PAFAH2: variants seen among roughly 807,000 people sequenced by gnomAD.
The protein encoded by PAFAH2 is platelet activating factor acetylhydrolase 2.
PAFAH2 carries 42 observed loss-of-function variants against 49.0 expected under a neutral mutation model. That is an observed-to-expected ratio of 0.86 (90% CI 0.67 to 1.11). PAFAH2 has a LOEUF of 1.11. Ranked by LOEUF, PAFAH2 falls within the 50% of genes least tolerant of loss-of-function variation. The pLI, the probability that PAFAH2 is intolerant of heterozygous loss-of-function variation, is 0.00. For missense variants in PAFAH2, 503 were observed against 501.8 expected (o/e 1.00, Z -0.02); for synonymous variants, 184 against 181.3 (o/e 1.01, Z -0.12).
At chr1:25,984,918 G>A (rs906742591) in intron 4 of PAFAH2, among the ~76,000 whole-genome samples, 1 of 138,074 alleles carries the variant, frequency 7.2e-6, no homozygotes, top group East Asian at 2.2e-4. Context: ...GGACTATCTT[G>A]GCCTCGGCTC....
In PAFAH2 at chr1:25,961,787, G is replaced by T; in HGVS notation, c.*202C>A. Reference sequence around the variant, plus strand: ...TCCCAGAAAGTCTGTTTGTCAATCAGCAAGGGATCCCAGTCCCAAAGTGAT... The same window carrying T: ...TCCCAGAAAGTCTGTTTGTCAATCATCAAGGGATCCCAGTCCCAAAGTGAT... On this transcript the variant is annotated 3_prime_UTR_variant, in exon 11 of 11. Transcript: ENST00000374282. 2.0e-6 allele frequency: 1 copy of T among 488,640 alleles called. No individual in the cohort carries two copies. The allele number at this position is 488,640 out of a possible 1,614,324, so 30.3% of individuals were successfully genotyped here. A position where few individuals can be genotyped will look rare whatever the true frequency, so the allele number is the denominator to read the frequency against.
At chr1:25,984,592 CCAA>C (rs2049751020) in intron 4 of PAFAH2, 64 bp from the exon 5 acceptor site, 2 of 1,270,442 alleles carry the variant, frequency 1.6e-6, no homozygotes, top group Admixed American at 3.5e-5. Flanking sequence ...CACCCTCATT[CCAA>C]CAATGCTCTG....
intron 10 of PAFAH2, among the ~76,000 whole-genome samples, 167 bp downstream of exon 10, chr1:25,972,391 C>T (rs1340791327): frequency 6.6e-6 from 1 of 152,098 alleles, no homozygotes; most frequent in Admixed American, 6.5e-5. Flanking sequence ...AGCCACTGCA[C>T]CTGGACTTGT....
At chr1:25,978,152 C>T (rs1325237288) in intron 7 of PAFAH2, among the ~76,000 whole-genome samples, 1 of 152,134 alleles carries the variant, frequency 6.6e-6, no homozygotes, top group Non-Finnish European at 1.5e-5. Flanking sequence ...AATCCTCCCC[C>T]TTCACTCAGT....
At position 25,982,373 on chromosome 1, in the gene PAFAH2, C is replaced by T. The variant is rs146508469; in HGVS notation, c.657G>A (p.Met219Ile). 5.0e-5 allele frequency: 80 copies of T among 1,613,224 alleles called. 1 individual carries two copies. In the African/African-American group the frequency reaches 6.3e-4, roughly 13 times the overall value. Reference sequence around the variant, plus strand: ...CCAATTGCTTCCATACCTTCAAAGTCATCAGATCCAAGCCACCAGGCAAGA... The same window carrying T: ...CCAATTGCTTCCATACCTTCAAAGTTATCAGATCCAAGCCACCAGGCAAGA... ...FNILPGGLDL[M>I]TLKGNIDMSR... The change falls in exon 7 of 11, where the codon ATG (methionine) becomes ATA (isoleucine). Residue 219 changes from methionine to isoleucine, a missense_variant. Physicochemically the swap from Met to Ile is conservative, Grantham distance 10. Coordinates refer to ENST00000374282, the MANE Select transcript of PAFAH2 (RefSeq NM_000437.4).
intron 1 of PAFAH2, among the ~76,000 whole-genome samples, chr1:25,994,164 CA>C (rs1156984687): frequency 7.6e-6 from 1 of 131,752 alleles, no homozygotes; most frequent in Non-Finnish European, 1.6e-5. Context: ...TTTTTTGAGA[CA>C]GGGTCTTGCT....
At chr1:25,992,856 G>A (rs781356233) in intron 1 of PAFAH2, among the ~76,000 whole-genome samples, 14 of 152,150 alleles carry the variant, frequency 9.2e-5, no homozygotes, top group African/African-American at 1.9e-4. Flanking sequence ...TGAAAAGTGC[G>A]CGTATGGCAT....
In PAFAH2 at chr1:25,972,729, A is replaced by G. The variant is rs542643850; in HGVS notation, c.930-17T>C. On this transcript the variant is annotated splice_polypyrimidine_tract_variant and intron_variant, in intron 9 of 10. Transcript: ENST00000374282. ...ACAGAACCACTAGGGGAAAAGAAAAACAACTGGCAGGGGTCTGGCGGCTAG... is the reference window on the plus strand; with the variant it reads ...ACAGAACCACTAGGGGAAAAGAAAAGCAACTGGCAGGGGTCTGGCGGCTAG... 152 of 1,613,870 alleles carry G rather than the reference A, an allele frequency of 9.4e-5. 1 individual carries two copies. The Admixed American group carries it at 1.3e-3, about 14-fold the overall frequency.
chr1:25,975,793 A>G (rs1003294368), intron 8 of PAFAH2, among the ~76,000 whole-genome samples: 2 of 152,150 alleles, frequency 1.3e-5, no homozygotes, highest in African/African-American at 4.8e-5. Context: ...GCTACAATCC[A>G]TTCTTCACAT....
At chr1:25,962,730 C>T (rs111591193) in intron 10 of PAFAH2, among the ~76,000 whole-genome samples, 48 of 151,300 alleles carry the variant, frequency 3.2e-4, no homozygotes, top group African/African-American at 1.1e-3. Context: ...GAGGCCAAGA[C>T]TGGAGGATTG....
chr1:25,997,773 G>T (rs1188664909), intron 1 of PAFAH2, among the ~76,000 whole-genome samples: 22 of 152,194 alleles, frequency 1.4e-4, no homozygotes, highest in Admixed American at 1.4e-3. Flanking sequence ...TCCAAGGTGG[G>T]GCTGCGGGGG....
intron 7 of PAFAH2, among the ~76,000 whole-genome samples, chr1:25,978,613 C>T (rs1424863017): frequency 2.6e-5 from 4 of 152,332 alleles, no homozygotes; most frequent in African/African-American, 7.2e-5. Flanking sequence ...AGTGATATCT[C>T]TACTTCCAGA....
chr1:25,996,131 G>A (rs1043345986), intron 1 of PAFAH2, among the ~76,000 whole-genome samples: 4 of 152,024 alleles, frequency 2.6e-5, no homozygotes, highest in African/African-American at 9.7e-5. Flanking sequence ...CAAATGGGAA[G>A]GATTGCTTCA....
At chr1:25,982,584 C>A (rs1164437839) in intron 6 of PAFAH2, 107 bp from the exon 7 acceptor site, 1 of 802,644 alleles carries the variant, frequency 1.2e-6, no homozygotes, top group East Asian at 2.7e-5. Flanking sequence ...TCTACCCACC[C>A]ACGCCTCAGC....
At position 25,989,575 on chromosome 1, in the gene PAFAH2, G is replaced by C. The variant is rs770634634; in HGVS notation, c.117C>G (p.Pro39=). The C allele has an allele frequency of 5.0e-6, 8 of 1,601,874 alleles. No individual in the cohort carries two copies. The South Asian group carries it at 9.0e-5, about 18-fold the overall frequency. Residue 39 remains proline, a synonymous_variant, in exon 3 of 11, where the codon CCC becomes CCG. Transcript: ENST00000374282. ...LQGSFFRLFY[P]CQKAEETMEQ... ...CCATGGTCTCCTCTGCCTTTTGGCA[G>C]GGGTAGAAGAGTCGAAAGAAGCTCC...
rs192951976 is a variant in PAFAH2 at position 25,993,956 on chromosome 1, C to T, written c.-47-3093G>A. On this transcript the variant is annotated intron_variant, in intron 1 of 10. Coordinates refer to ENST00000374282, the MANE Select transcript of PAFAH2 (RefSeq NM_000437.4). Reference sequence around the variant, plus strand: ...AAGCAGGAGAGAGCAAGCAAAGGCACGGTAAGAAGGAAGCTTGTGTGAGAA... The same window carrying T: ...AAGCAGGAGAGAGCAAGCAAAGGCATGGTAAGAAGGAAGCTTGTGTGAGAA... Among the ~76,000 whole-genome samples the T allele has an allele frequency of 1.6e-3, 245 of 151,936 alleles. 1 individual carries two copies. Among genetic ancestry groups the T allele is most frequent in the African/African-American group, 4.3e-4 (18 of 41,436 alleles).
In PAFAH2 at chr1:25,960,799, TTTTC is replaced by T. The variant is rs1264615629; in HGVS notation, c.*1186_*1189del. ...TTTTTAAATTTTATTTATTTTAAAT[TTTTC>T]TTTTTCTTTTTTTTTTTTTTAAGAC... On this transcript the variant is annotated 3_prime_UTR_variant, in exon 11 of 11. Transcript: ENST00000374282. The T allele has an allele frequency of 9.6e-6, 1 of 104,658 alleles. No individual in the cohort carries two copies. Among genetic ancestry groups the T allele is most frequent in the South Asian group, 3.6e-4 (1 of 2,744 alleles). 6.5% of individuals were successfully genotyped at this position (104,658 alleles called of 1,614,324 possible). A position where few individuals can be genotyped will look rare whatever the true frequency, so the allele number is the denominator to read the frequency against.
intron 1 of PAFAH2, chr1:25,997,429 GCTC>G (rs1168634866): frequency 2.0e-5 from 3 of 152,192 alleles, no homozygotes; most frequent in Non-Finnish European, 4.4e-5. Context: ...TAGCTTGTTG[GCTC>G]CTCAACACTC....
At chr1:25,997,958 G>C (rs192160955) in intron 1 of PAFAH2, 67 bp downstream of exon 1, 106 of 152,320 alleles carry the variant, frequency 7.0e-4, no homozygotes, top group African/African-American at 2.3e-3. Flanking sequence ...GCCCCAAACC[G>C]GGCCAGAATA....
Sources: allele counts gnomAD v4.1 joint callset (sites outside exome capture counted in the v4.1 genomes callset), GRCh38; gene constraint gnomAD v4.1.1; transcripts MANE v1.5; gene names NCBI Gene and HGNC (gene_info 2026-07-23, HGNC 2026-07-21).